The following KHDRBS2 variants were observed in gnomAD, a reference collection of about 807,000 sequenced individuals.
KHDRBS2 encodes the protein KH domain-containing, RNA-binding, signal transduction-associated protein 2.
A neutral mutation model predicts 44.3 loss-of-function variants in KHDRBS2; 26 were observed. That is an observed-to-expected ratio of 0.59 (90% CI 0.43 to 0.81). The LOEUF (loss-of-function observed/expected upper bound fraction) is 0.81, where lower values mean the gene tolerates loss of function less well. KHDRBS2 is among the 40% of genes least tolerant of loss of function. KHDRBS2 has a pLI of 0.00. For missense variants in KHDRBS2, 476 were observed against 433.1 expected (o/e 1.10, Z -0.88); for synonymous variants, 194 against 151.1 (o/e 1.28, Z -2.08).
chr6:61,692,363 T>C (rs1423639177), intron 8 of KHDRBS2, among the ~76,000 whole-genome samples: 5 of 151,954 alleles, frequency 3.3e-5, no homozygotes, highest in African/African-American at 1.2e-4. Context: ...AAATATTTAA[T>C]AAATACCAAT....
At chr6:62,089,652 G>T (rs943367314) in intron 2 of KHDRBS2, among the ~76,000 whole-genome samples, 1 of 152,176 alleles carries the variant, frequency 6.6e-6, no homozygotes, top group Non-Finnish European at 1.5e-5. Flanking sequence ...GGGAGCTGCA[G>T]ACTGGAGCTG....
chr6:62,242,274 C>T (rs1413274810), intron 1 of KHDRBS2, among the ~76,000 whole-genome samples: 2 of 152,126 alleles, frequency 1.3e-5, no homozygotes, highest in Admixed American at 6.6e-5. Flanking sequence ...GCAGCCCGGA[C>T]TATCAAAATC....
intron 7 of KHDRBS2, among the ~76,000 whole-genome samples, chr6:61,721,704 A>C (rs1362428145): frequency 8.4e-6 from 1 of 119,566 alleles, no homozygotes; most frequent in African/African-American, 2.8e-5. Flanking sequence ...TTTTCTAGCT[A>C]TACAATCATG....
At chr6:61,824,901 A>C (rs1204897426) in intron 6 of KHDRBS2, among the ~76,000 whole-genome samples, 1 of 152,210 alleles carries the variant, frequency 6.6e-6, no homozygotes, top group Admixed American at 6.6e-5. Context: ...AGAGTAGTAC[A>C]TTAATCATAG....
chr6:61,845,707 C>A (rs895779559), intron 6 of KHDRBS2, among the ~76,000 whole-genome samples: 3 of 152,192 alleles, frequency 2.0e-5, no homozygotes, highest in African/African-American at 7.2e-5. Flanking sequence ...TTGGTTAGGT[C>A]GTTGGTGGTG....
chr6:62,180,574 T>C (rs1318845189), intron 1 of KHDRBS2, among the ~76,000 whole-genome samples: 1 of 151,868 alleles, frequency 6.6e-6, no homozygotes, highest in Non-Finnish European at 1.5e-5. Flanking sequence ...ACACTTTATG[T>C]TTATAGATTG....
chr6:62,020,153 C>A (rs1405347317), intron 3 of KHDRBS2, among the ~76,000 whole-genome samples: 2 of 151,764 alleles, frequency 1.3e-5, no homozygotes, highest in African/African-American at 4.8e-5. Context: ...GCCTATAGTC[C>A]TTTTCTTCTT....
At chr6:61,778,640 C>T (rs1360953060) in intron 6 of KHDRBS2, among the ~76,000 whole-genome samples, 2 of 152,150 alleles carry the variant, frequency 1.3e-5, no homozygotes, top group Non-Finnish European at 2.9e-5. Flanking sequence ...CAGATGATTC[C>T]TCTTTCCTGG....
At chr6:61,729,996 C>A (rs1045314829) in intron 7 of KHDRBS2, among the ~76,000 whole-genome samples, 5 of 151,966 alleles carry the variant, frequency 3.3e-5, no homozygotes, top group African/African-American at 1.2e-4. Context: ...GCATTGAACA[C>A]CTGATCTAAT....
chr6:61,760,918 T>G (rs376617454), intron 6 of KHDRBS2, among the ~76,000 whole-genome samples: 28 of 152,326 alleles, frequency 1.8e-4, no homozygotes, highest in African/African-American at 6.3e-4. Context: ...CTTCTATAGT[T>G]GAGAGGAAAA....
chr6:61,973,389 T>C (rs1393791759), intron 4 of KHDRBS2, among the ~76,000 whole-genome samples: 1 of 152,144 alleles, frequency 6.6e-6, no homozygotes, highest in Admixed American at 6.6e-5. Context: ...AGGATTACAG[T>C]GTTTGAAGAA....
intron 4 of KHDRBS2, among the ~76,000 whole-genome samples, chr6:61,954,469 A>C (rs1451226403): frequency 1.4e-5 from 2 of 146,750 alleles, no homozygotes; most frequent in African/African-American, 5.0e-5. Flanking sequence ...ATGTATACGT[A>C]TGTGTATATA....
chr6:61,786,982 T>C lies in KHDRBS2; in HGVS notation c.811-54218A>G, dbSNP rs1240871705. 2.7e-5 allele frequency among the ~76,000 whole-genome samples: 4 copies of C among 150,308 alleles called. No individual in the cohort carries two copies. In the Admixed American group the frequency reaches 2.7e-4, roughly 10 times the overall value. ...CATAATTTCCTTCACATAAATATCT[T>C]TGTATATTTTATACAATTGTCAGTA... On this transcript the variant is annotated intron_variant, in intron 6 of 8. Coordinates refer to ENST00000281156, the MANE Select transcript of KHDRBS2 (RefSeq NM_152688.4).
chr6:61,764,601 T>C (rs1779726364), intron 6 of KHDRBS2, among the ~76,000 whole-genome samples: 1 of 152,222 alleles, frequency 6.6e-6, no homozygotes, highest in African/African-American at 2.4e-5. Context: ...CTCATCGTGG[T>C]TTCGATTTGC....
chr6:62,036,322 T>C (rs1231958414), intron 3 of KHDRBS2, among the ~76,000 whole-genome samples: 1 of 151,976 alleles, frequency 6.6e-6, no homozygotes, highest in Non-Finnish European at 1.5e-5. Context: ...CAATCTTCTA[T>C]GTCCTATAAG....
intron 2 of KHDRBS2, among the ~76,000 whole-genome samples, chr6:62,169,147 G>A (rs898662135): frequency 3.9e-4 from 38 of 98,522 alleles, no homozygotes; most frequent in African/African-American, 5.0e-4. Context: ...ACATATATGT[G>A]TGTATATATA....
At chr6:62,206,341 T>TAGAACG (rs1827969021) in intron 1 of KHDRBS2, among the ~76,000 whole-genome samples, 1 of 152,112 alleles carries the variant, frequency 6.6e-6, no homozygotes, top group African/African-American at 2.4e-5. Flanking sequence ...TGTGTAGCTT[T>TAGAACG]TCTCAAAACG....
chr6:62,281,065 T>C (rs1319923333), intron 1 of KHDRBS2, among the ~76,000 whole-genome samples: 2 of 152,290 alleles, frequency 1.3e-5, no homozygotes, highest in East Asian at 1.9e-4. Flanking sequence ...GGTCTGAAAT[T>C]ACTCTTGAAA....
chr6:61,812,119 C>T (rs1788216804), intron 6 of KHDRBS2, among the ~76,000 whole-genome samples: 2 of 151,812 alleles, frequency 1.3e-5, no homozygotes, highest in Non-Finnish European at 2.9e-5. Flanking sequence ...GGGTGCCCTG[C>T]TAATTTTAAA....
Sources: gnomAD v4.1 joint callset for allele counts (sites outside exome capture counted in the v4.1 genomes callset) on GRCh38, gnomAD v4.1.1 for gene constraint, MANE v1.5 for transcripts, NCBI Gene and HGNC (gene_info 2026-07-23, HGNC 2026-07-21) for gene names.